The following ZDHHC21 variants were observed in gnomAD, a reference collection of about 807,000 sequenced individuals.
The protein encoded by ZDHHC21 is zDHHC palmitoyltransferase 21, also known as palmitoyltransferase ZDHHC21.
A neutral mutation model predicts 34.6 loss-of-function variants in ZDHHC21; 15 were observed. The ratio of observed to expected loss-of-function variants is 0.43; its 90% CI spans 0.29 to 0.67. The LOEUF (loss-of-function observed/expected upper bound fraction) is 0.67. Among genes scored for constraint, ZDHHC21 ranks in the 30% least tolerant of loss-of-function variants. The pLI, the probability that ZDHHC21 is intolerant of heterozygous loss-of-function variation, is 0.14. For synonymous variants in ZDHHC21, 142 were observed against 101.8 expected, an observed-to-expected ratio of 1.40 and a Z score of -2.38; for missense variants, 344 against 327.7, an observed-to-expected ratio of 1.05 and a Z score of -0.38.
intron 2 of ZDHHC21, among the ~76,000 whole-genome samples, chr9:14,685,030 T>C (rs1224302394): frequency 6.6e-6 from 1 of 152,342 alleles, no homozygotes; most frequent in South Asian, 2.1e-4. Context: ...ATCCCTTCCT[T>C]AAGCCTTATA....
intron 8 of ZDHHC21, among the ~76,000 whole-genome samples, chr9:14,634,590 C>T (rs537791807): frequency 1.3e-5 from 2 of 152,286 alleles, no homozygotes; most frequent in Admixed American, 6.5e-5. Flanking sequence ...ACCACTGATG[C>T]TATTCACAGC....
intron 8 of ZDHHC21, among the ~76,000 whole-genome samples, chr9:14,629,568 C>T (rs1826944734): frequency 1.3e-5 from 2 of 152,090 alleles, no homozygotes. Context: ...ATGAAGTGTA[C>T]AACAGCATTA....
At chr9:14,662,391 G>T in intron 5 of ZDHHC21, 65 bp from the exon 6 acceptor site, 2 of 1,234,962 alleles carry the variant, frequency 1.6e-6, no homozygotes, top group Non-Finnish European at 2.3e-6. Context: ...TTTACCAACA[G>T]TTGTTTAGAA....
chr9:14,683,565 AC>A (rs1342513268), intron 2 of ZDHHC21: 1 of 152,184 alleles, frequency 6.6e-6, no homozygotes, highest in African/African-American at 2.4e-5. Context: ...TTAATAGCTT[AC>A]CAACCAAAAA....
chr9:14,593,189 GA>G, the ZDHHC21 span, among the ~76,000 whole-genome samples: 1 of 151,842 alleles, frequency 6.6e-6, no homozygotes, highest in East Asian at 1.9e-4. Flanking sequence ...CAACAATAAA[GA>G]AAATCAAGAT....
In ZDHHC21 at chr9:14,617,137, C is replaced by T. The variant is rs1393536697; in HGVS notation, c.*1829G>A. 6.6e-6 allele frequency: 1 copy of T among 151,952 alleles called. No individual in the cohort carries two copies. The highest frequency in any genetic ancestry group is 1.5e-5 in the Non-Finnish European group (1 of 67,898). The allele number at this position is 151,952 out of a possible 1,614,324, so 9.4% of individuals were successfully genotyped here. ...ACTTCCTTATGAACAGTTCTGTCAC[C>T]AGGCCAAATGTGGCCAAATTAGCTT... On this transcript the variant is annotated 3_prime_UTR_variant, in exon 10 of 10. Transcript: ENST00000380916.
the ZDHHC21 span, among the ~76,000 whole-genome samples, chr9:14,590,869 AT>A: frequency 6.6e-6 from 1 of 152,174 alleles, no homozygotes. Flanking sequence ...CTACTTTTAA[AT>A]TTTTTAAAAA....
intron 7 of ZDHHC21, among the ~76,000 whole-genome samples, chr9:14,648,280 G>C (rs1830621493): frequency 6.6e-6 from 1 of 151,772 alleles, no homozygotes; most frequent in Non-Finnish European, 1.5e-5. Flanking sequence ...TGGTCTTCTT[G>C]CTATTATCCT....
chr9:14,664,924 T>C (rs1834128497), intron 5 of ZDHHC21, among the ~76,000 whole-genome samples: 1 of 151,062 alleles, frequency 6.6e-6, no homozygotes, highest in Admixed American at 6.6e-5. Flanking sequence ...AACTGGAAAC[T>C]CTAAAATGCA....
At chr9:14,594,042 G>A in the ZDHHC21 span, 1 of 152,266 alleles carries the variant, frequency 6.6e-6, no homozygotes, top group East Asian at 1.9e-4. Context: ...CAGCATCTAA[G>A]AAATGGATAG....
At position 14,618,739 on chromosome 9, in the gene ZDHHC21, G is replaced by A. The variant is rs1198331532; in HGVS notation, c.*227C>T. The A allele has an allele frequency of 1.6e-5, 6 of 382,792 alleles. No homozygotes were observed. In the East Asian group the frequency reaches 2.4e-4, roughly 15 times the overall value. The allele number at this position is 382,792 out of a possible 1,614,324, so 23.7% of individuals were successfully genotyped here. On this transcript the variant is annotated 3_prime_UTR_variant, in exon 10 of 10. Transcript: ENST00000380916. ...CAAAAGCATTTCAAGAAATCCCTGT[G>A]GAAAGCTAATTTGAAAGTAAACATG...
At chr9:14,625,945 G>C (rs1826131214) in intron 8 of ZDHHC21, among the ~76,000 whole-genome samples, 1 of 151,772 alleles carries the variant, frequency 6.6e-6, no homozygotes, top group African/African-American at 2.4e-5. Context: ...TCTAGTAAAA[G>C]TAGTCAAGTA....
At chr9:14,634,335 C>A (rs149646758) in intron 8 of ZDHHC21, among the ~76,000 whole-genome samples, 1 of 152,312 alleles carries the variant, frequency 6.6e-6, no homozygotes, top group East Asian at 1.9e-4. Context: ...GAGAACCTGT[C>A]CACCTGCCTG....
chr9:14,599,120 C>T, the ZDHHC21 span, among the ~76,000 whole-genome samples: 2 of 152,200 alleles, frequency 1.3e-5, no homozygotes, highest in African/African-American at 4.8e-5. Flanking sequence ...TTCTCTCTTG[C>T]TGCCACCATG....
At position 14,658,756 on chromosome 9, in the gene ZDHHC21, C is replaced by A. The variant is rs543694350; in HGVS notation, c.497G>T (p.Arg166Leu). 6.2e-7 allele frequency: 1 copy of A among 1,613,270 alleles called. No homozygotes were observed. The highest frequency in any genetic ancestry group is 1.1e-5 in the South Asian group (1 of 91,032). Residue 166 changes from arginine to leucine, a missense_variant, in exon 7 of 10, where the codon CGT becomes CTT. Arg to Leu is a moderately radical substitution (Grantham distance 102). Transcript: ENST00000380916. The stretch of plus-strand genomic sequence containing the variant: ...AATATAAACATTTCTTACCAAATTA[C>A]GCTTTTTTAGTGGAAGAAAATAGTA... ...HYYYFLPLKK[R>L]NLDLFVFRHE...
At chr9:14,621,297 G>A (rs1234186771) in intron 8 of ZDHHC21, among the ~76,000 whole-genome samples, 1 of 151,848 alleles carries the variant, frequency 6.6e-6, no homozygotes, top group Non-Finnish European at 1.5e-5. Flanking sequence ...TGAAAGGTCA[G>A]ACTACTCTCA....
chr9:14,642,037 G>T (rs1275790530), intron 7 of ZDHHC21, among the ~76,000 whole-genome samples: 2 of 152,078 alleles, frequency 1.3e-5, no homozygotes, highest in African/African-American at 2.4e-5. Flanking sequence ...CCAGTGAAAA[G>T]ATTTTAAAAT....
chr9:14,651,992 G>T (rs572290940), intron 7 of ZDHHC21, among the ~76,000 whole-genome samples: 18 of 151,718 alleles, frequency 1.2e-4, no homozygotes, highest in African/African-American at 4.3e-4. Flanking sequence ...TTTCGAGAGG[G>T]GTTTTAAGTA....
chr9:14,661,712 A>G (rs1401937024), intron 6 of ZDHHC21, among the ~76,000 whole-genome samples: 1 of 152,220 alleles, frequency 6.6e-6, no homozygotes, highest in African/African-American at 2.4e-5. Flanking sequence ...TCACTCACAT[A>G]CTTCCAACAA....
Sources: gnomAD v4.1 joint callset for allele counts (sites outside exome capture counted in the v4.1 genomes callset) on GRCh38, gnomAD v4.1.1 for gene constraint, MANE v1.5 for transcripts, NCBI Gene and HGNC (gene_info 2026-07-23, HGNC 2026-07-21) for gene names.